Variants in RBM34 observed in about 807,000 individuals in gnomAD.
RBM34 encodes RNA-binding protein 34.
A neutral mutation model predicts 44.6 loss-of-function variants in RBM34; 39 were observed. The ratio of observed to expected loss-of-function variants is 0.87; its 90% CI spans 0.68 to 1.14. RBM34 has a LOEUF of 1.14. RBM34 is among the 50% of genes most tolerant of loss of function. The pLI, the probability that RBM34 is intolerant of heterozygous loss-of-function variation, is 0.00. For synonymous variants in RBM34, 194 were observed against 184.0 expected, an observed-to-expected ratio of 1.05 and a Z score of -0.44; for missense variants, 572 against 517.9, an observed-to-expected ratio of 1.10 and a Z score of -1.01.
At chr1:235,156,538 T>C (rs1199780472) in intron 3 of RBM34, 5 of 402,482 alleles carry the variant, frequency 1.2e-5, no homozygotes, top group Non-Finnish European at 2.0e-5. Context: ...ATATGGCTGA[T>C]AGGAAAAACC....
At chr1:235,132,310 T>C (rs960520281) in intron 10 of RBM34, among the ~76,000 whole-genome samples, 2 of 152,226 alleles carry the variant, frequency 1.3e-5, no homozygotes, top group African/African-American at 2.4e-5. Flanking sequence ...ATTGGCTTTT[T>C]TTCTTTTTTC....
At chr1:235,137,969 T>G in intron 7 of RBM34, 29 bp from the exon 8 acceptor site, 1 of 1,580,226 alleles carries the variant, frequency 6.3e-7, no homozygotes, top group African/African-American at 1.3e-5. Context: ...GGGAAAATGG[T>G]TGTTAAAAAT....
At chr1:235,154,260 A>G (rs1309063772) in intron 4 of RBM34, among the ~76,000 whole-genome samples, 1 of 105,694 alleles carries the variant, frequency 9.5e-6, no homozygotes, top group Non-Finnish European at 2.0e-5. Context: ...AAAAAAAAAG[A>G]GAGAGAGAGA....
intron 8 of RBM34, among the ~76,000 whole-genome samples, chr1:235,137,064 G>T (rs1178403964): frequency 6.6e-6 from 1 of 151,984 alleles, no homozygotes; most frequent in Admixed American, 6.6e-5. Flanking sequence ...TTATTCCCCT[G>T]GAAACTTGCC....
At chr1:235,132,167 C>G (rs1012368469) in intron 10 of RBM34, among the ~76,000 whole-genome samples, 170 bp from the exon 11 acceptor site, 20 of 152,182 alleles carry the variant, frequency 1.3e-4, no homozygotes, top group African/African-American at 4.8e-4. Flanking sequence ...TCACCATGCT[C>G]GTCACCAGTG....
chr1:235,135,565 A>C, intron 10 of RBM34, 87 bp downstream of exon 10: 1 of 1,135,308 alleles, frequency 8.8e-7, no homozygotes, highest in East Asian at 2.4e-5. Context: ...ATGGAAGTGA[A>C]AGTTATGTCT....
chr1:235,136,823 T>C (rs1401385806), intron 8 of RBM34, among the ~76,000 whole-genome samples: 2 of 152,232 alleles, frequency 1.3e-5, no homozygotes, highest in African/African-American at 4.8e-5. Flanking sequence ...TGCCTATTTG[T>C]CCAACAGCAA....
At chr1:235,151,061 G>A (rs1294582795) in intron 5 of RBM34, among the ~76,000 whole-genome samples, 1 of 152,200 alleles carries the variant, frequency 6.6e-6, no homozygotes, top group Admixed American at 6.5e-5. Context: ...GAGGAAGACT[G>A]AAGGTAAGGA....
rs1661397811 is a variant in RBM34, at chr1:235,135,664, A to T, written c.996T>A (p.Tyr332Ter). Residue 332 changes from tyrosine to a stop codon, truncating the protein, a stop_gained, in exon 10 of 11, where the codon TAT becomes TAA. Coordinates refer to ENST00000408888, the MANE Select transcript of RBM34 (RefSeq NM_015014.4). LOFTEE classifies it high-confidence loss of function. Reference sequence around the variant, plus strand: ...TAGTCTCCCATACCTCAAAGAGCACATAGCCAAACCCTTTGCCGATGCCTG... The same window carrying T: ...TAGTCTCCCATACCTCAAAGAGCACTTAGCCAAACCCTTTGCCGATGCCTG... ...KMTGIGKGFG[Y>*]VLFENTDSVH... 1 of 1,613,824 alleles carries T rather than the reference A, an allele frequency of 6.2e-7. No homozygotes were observed. The highest frequency in any genetic ancestry group is 8.5e-7 in the Non-Finnish European group (1 of 1,179,662).
At chr1:235,150,684 T>C (rs1662121695) in intron 5 of RBM34, among the ~76,000 whole-genome samples, 1 of 151,424 alleles carries the variant, frequency 6.6e-6, no homozygotes, top group African/African-American at 2.4e-5. Context: ...ACTGACAGAA[T>C]AATTAACACA....
chr1:235,146,716 G>C (rs1224688907), intron 6 of RBM34, among the ~76,000 whole-genome samples: 2 of 152,166 alleles, frequency 1.3e-5, no homozygotes, highest in Non-Finnish European at 2.9e-5. Context: ...CATCTCCTGG[G>C]ATCAAGCGAT....
chr1:235,137,197 T>C (rs571888773), intron 8 of RBM34, among the ~76,000 whole-genome samples: 1 of 152,286 alleles, frequency 6.6e-6, no homozygotes, highest in Non-Finnish European at 1.5e-5. Context: ...AACCCTAACA[T>C]ATACTGTCAG....
At chr1:235,135,043 C>T (rs1161644089) in intron 10 of RBM34, among the ~76,000 whole-genome samples, 3 of 148,670 alleles carry the variant, frequency 2.0e-5, no homozygotes, top group South Asian at 2.1e-4. Flanking sequence ...CACATCTGGC[C>T]GGTTTGTTTT....
chr1:235,156,252 C>T (rs1341913440), intron 3 of RBM34, among the ~76,000 whole-genome samples: 1 of 152,086 alleles, frequency 6.6e-6, no homozygotes, highest in African/African-American at 2.4e-5. Context: ...CATTCGCCCA[C>T]CTCAGCCTCC....
chr1:235,157,382 A>G (rs1662496174), intron 3 of RBM34, among the ~76,000 whole-genome samples: 1 of 152,198 alleles, frequency 6.6e-6, no homozygotes, highest in Non-Finnish European at 1.5e-5. Flanking sequence ...AAGGAGAGGA[A>G]AGAAGACAGG....
chr1:235,143,907 G>A (rs761736687), intron 6 of RBM34, among the ~76,000 whole-genome samples: 11 of 152,106 alleles, frequency 7.2e-5, no homozygotes, highest in Admixed American at 4.6e-4. Context: ...AGACAGGCAC[G>A]GTGGCTCAAG....
At position 235,154,880 on chromosome 1, in the gene RBM34, C is replaced by T. The variant is rs371002632; in HGVS notation, c.597+1G>A. 6.2e-7 allele frequency: 1 copy of T among 1,609,182 alleles called. No homozygotes were observed. The highest frequency in any genetic ancestry group is 1.7e-5 in the Admixed American group (1 of 59,898). On this transcript the variant is annotated splice_donor_variant, in intron 4 of 10. Coordinates refer to ENST00000408888, the MANE Select transcript of RBM34 (RefSeq NM_015014.4). LOFTEE classifies it high-confidence loss of function. ...TGAACTTTTACCATATACAAACTCA[C>T]CTTCTTATTACATGTAACAGGCAAA...
intron 6 of RBM34, among the ~76,000 whole-genome samples, chr1:235,140,561 T>C (rs1230719089): frequency 1.3e-5 from 2 of 152,216 alleles, no homozygotes; most frequent in Non-Finnish European, 2.9e-5. Flanking sequence ...CAGCCCGCTA[T>C]GCCTGAGCCT....
chr1:235,137,540 AT>A (rs558945575), intron 8 of RBM34, among the ~76,000 whole-genome samples: 3,742 of 140,678 alleles, frequency 0.027, 44 homozygotes, highest in African/African-American at 0.041. Context: ...CACTTGACTA[AT>A]TTTTTTTTTT....
Sources: allele counts gnomAD v4.1 joint callset (sites outside exome capture counted in the v4.1 genomes callset), GRCh38; gene constraint gnomAD v4.1.1; transcripts MANE v1.5; gene names NCBI Gene and HGNC (gene_info 2026-07-23, HGNC 2026-07-21).